PPM1E: variants seen among roughly 807,000 people sequenced by gnomAD.
PPM1E encodes protein phosphatase 1E.
Under a neutral mutation model 65.9 loss-of-function variants are expected in PPM1E, and 20 were observed. The ratio of observed to expected loss-of-function variants is 0.30; its 90% CI spans 0.21 to 0.44. PPM1E has a LOEUF of 0.44. PPM1E is among the 20% of genes least tolerant of loss of function. The probability of loss-of-function intolerance (pLI) is 1.00; values close to 1 mark genes in which losing one functional copy is unlikely to be tolerated. For synonymous variants in PPM1E, 352 were observed against 374.9 expected (o/e 0.94, Z 0.70); for missense variants, 713 against 953.1 (o/e 0.75, Z 3.32).
chr17:58,804,506 T>C (rs1385910275), intron 1 of PPM1E, among the ~76,000 whole-genome samples: 1 of 152,098 alleles, frequency 6.6e-6, no homozygotes, highest in Non-Finnish European at 1.5e-5. Flanking sequence ...TTGGAAGACA[T>C]GGAGATAGGG....
chr17:58,892,264 T>G lies in PPM1E; in HGVS notation c.465-63385T>G, dbSNP rs184013428. Among the ~76,000 whole-genome samples the G allele has an allele frequency of 2.4e-3, 362 of 152,280 alleles. 3 individuals carry two copies. The highest frequency in any genetic ancestry group is 4.0e-3 in the Non-Finnish European group (272 of 68,026). ...AGGTAAAAATTAGGATACATGCTTGTGTTACATTTTAATTTTGAAATATTT... is the reference window on the plus strand; with the variant it reads ...AGGTAAAAATTAGGATACATGCTTGGGTTACATTTTAATTTTGAAATATTT... On this transcript the variant is annotated intron_variant, in intron 1 of 6. Coordinates refer to ENST00000308249, the MANE Select transcript of PPM1E (RefSeq NM_014906.5).
Position 58,928,854 on chromosome 17 carries a change from C to G in PPM1E, c.465-26795C>G, listed in dbSNP as rs562052821. Reference sequence around the variant, plus strand: ...AGTAGCTGGGATTAAAGGCGCCCACCACCACGCCCGGCTAATATTTTGTAT... The same window carrying G: ...AGTAGCTGGGATTAAAGGCGCCCACGACCACGCCCGGCTAATATTTTGTAT... On this transcript the variant is annotated intron_variant, in intron 1 of 6. Coordinates refer to ENST00000308249, the MANE Select transcript of PPM1E (RefSeq NM_014906.5). 9.2e-5 allele frequency among the ~76,000 whole-genome samples: 14 copies of G among 152,058 alleles called. No individual in the cohort carries two copies. The East Asian group carries it at 1.9e-3, about 21-fold the overall frequency.
chr17:58,861,358 T>G (rs933569661), intron 1 of PPM1E, among the ~76,000 whole-genome samples: 12 of 152,200 alleles, frequency 7.9e-5, no homozygotes, highest in Non-Finnish European at 1.6e-4. Context: ...TCTATTATAA[T>G]TATTAATATT....
chr17:58,809,157 A>T (rs919910213), intron 1 of PPM1E, among the ~76,000 whole-genome samples: 1 of 152,100 alleles, frequency 6.6e-6, no homozygotes, highest in Non-Finnish European at 1.5e-5. Context: ...CAGTGGTGAG[A>T]TCATAGCTTA....
At chr17:58,908,120 C>T (rs1177454273) in intron 1 of PPM1E, among the ~76,000 whole-genome samples, 1 of 151,320 alleles carries the variant, frequency 6.6e-6, no homozygotes, top group East Asian at 1.9e-4. Flanking sequence ...CTCACTCTGT[C>T]ATCCAGGCTG....
chr17:58,824,417 A>T (rs1469155465), intron 1 of PPM1E, among the ~76,000 whole-genome samples: 3 of 152,124 alleles, frequency 2.0e-5, no homozygotes, highest in Non-Finnish European at 4.4e-5. Flanking sequence ...AATTTTGTGT[A>T]CTCAAAAGCT....
At chr17:58,966,579 T>C (rs2030269660) in intron 3 of PPM1E, 1 of 172,924 alleles carries the variant, frequency 5.8e-6, no homozygotes, top group South Asian at 1.3e-4. Context: ...AAAATCTTGG[T>C]CTCTGAGATA....
At chr17:58,793,045 G>A (rs2050171759) in intron 1 of PPM1E, among the ~76,000 whole-genome samples, 1 of 151,970 alleles carries the variant, frequency 6.6e-6, no homozygotes, top group Non-Finnish European at 1.5e-5. Flanking sequence ...ATTACGCCCA[G>A]CCGAATTTTA....
intron 1 of PPM1E, among the ~76,000 whole-genome samples, chr17:58,884,582 C>T (rs2051244103): frequency 6.6e-6 from 1 of 152,038 alleles, no homozygotes; most frequent in Non-Finnish European, 1.5e-5. Context: ...TAGATCTGCC[C>T]TCTTATCCTG....
chr17:58,965,774 C>T lies in PPM1E; in HGVS notation c.664C>T (p.Leu222Phe), dbSNP rs756118167. ...CTGCAGCTGGGTGAAAGACTTCCCCCTCCGCAGGAGACCCCAGCTTTATTA... is the reference window on the plus strand; with the variant it reads ...CTGCAGCTGGGTGAAAGACTTCCCCTTCCGCAGGAGACCCCAGCTTTATTA... ...ICCSWVKDFPLRRRPQLYYET... is the reference protein window; with the variant it reads ...ICCSWVKDFPFRRRPQLYYET... The change falls in exon 3 of 7, where the codon CTC becomes TTC. Residue 222 changes from leucine to phenylalanine, a missense_variant. By Grantham distance (22) the Leu-to-Phe change is conservative. Transcript: ENST00000308249. The T allele has an allele frequency of 2.5e-6, 4 of 1,614,138 alleles. No individual in the cohort carries two copies. In the East Asian group the frequency reaches 8.9e-5, roughly 36 times the overall value.
chr17:58,758,343 C>A (rs2049789343), intron 1 of PPM1E, among the ~76,000 whole-genome samples: 1 of 151,934 alleles, frequency 6.6e-6, no homozygotes, highest in Non-Finnish European at 1.5e-5. Flanking sequence ...GCCTGACCAA[C>A]GTGGTGAAAC....
At chr17:58,914,457 G>A (rs1011355317) in intron 1 of PPM1E, among the ~76,000 whole-genome samples, 2 of 152,142 alleles carry the variant, frequency 1.3e-5, no homozygotes, top group Non-Finnish European at 2.9e-5. Flanking sequence ...CCAACTGGAT[G>A]CTTTATAGGA....
At chr17:58,875,786 C>T (rs9911578) in intron 1 of PPM1E, among the ~76,000 whole-genome samples, 96,808 of 151,890 alleles carry the variant, frequency 0.64, 31,220 homozygotes, top group African/African-American at 0.71. Context: ...TTACTAACAC[C>T]GTGGATAATG....
intron 1 of PPM1E, among the ~76,000 whole-genome samples, chr17:58,758,185 G>GT (rs896804074): frequency 0.011 from 1,660 of 145,052 alleles, 14 homozygotes; most frequent in East Asian, 0.019. Flanking sequence ...ATGTAAGAAG[G>GT]TTTTTTTTTT....
intron 1 of PPM1E, among the ~76,000 whole-genome samples, chr17:58,794,647 A>T (rs1488085612): frequency 6.6e-6 from 1 of 152,026 alleles, no homozygotes; most frequent in Non-Finnish European, 1.5e-5. Context: ...CCCACTTATA[A>T]GTGAGAACAT....
At chr17:58,928,769 C>G (rs1045328896) in intron 1 of PPM1E, among the ~76,000 whole-genome samples, 4 of 150,070 alleles carry the variant, frequency 2.7e-5, no homozygotes, top group Non-Finnish European at 5.9e-5. Flanking sequence ...GTGACGCGAT[C>G]TCAGCTCACT....
rs1197099429 is a variant in PPM1E at position 58,756,332 on chromosome 17, C to G, written c.335C>G (p.Ser112Trp). The G allele has an allele frequency of 9.3e-6, 13 of 1,396,902 alleles. No individual in the cohort carries two copies. The highest frequency in any genetic ancestry group is 1.2e-5 in the Non-Finnish European group (13 of 1,080,064). 86.5% of individuals were successfully genotyped at this position (1,396,902 alleles called of 1,614,324 possible). A position where few individuals can be genotyped will look rare whatever the true frequency, so the allele number is the denominator to read the frequency against. The stretch of plus-strand genomic sequence containing the variant: ...ACGGCGGCGGCAGCCCCGGGGCACT[C>G]GGCCGTGCCGCCGCCGCCGCCCCAG... ...AATAAAAPGH[S>W]AVPPPPPQLP... is the part of the protein sequence containing the mutation. The change falls in exon 1 of 7, where the codon TCG (serine) becomes TGG (tryptophan). Residue 112 changes from serine to tryptophan, a missense_variant. Coordinates refer to ENST00000308249, the MANE Select transcript of PPM1E (RefSeq NM_014906.5).
At chr17:58,894,078 A>G (rs1420210989) in intron 1 of PPM1E, among the ~76,000 whole-genome samples, 3 of 152,066 alleles carry the variant, frequency 2.0e-5, no homozygotes, top group Admixed American at 6.6e-5. Context: ...GTCTCAAAAA[A>G]AACAAACCAG....
At chr17:58,828,080 G>A (rs547356983) in intron 1 of PPM1E, among the ~76,000 whole-genome samples, 1 of 151,652 alleles carries the variant, frequency 6.6e-6, no homozygotes, top group African/African-American at 2.4e-5. Flanking sequence ...TTAGCCAGGC[G>A]TGATGGCAGG....
Sources: allele counts gnomAD v4.1 joint callset (sites outside exome capture counted in the v4.1 genomes callset), GRCh38; gene constraint gnomAD v4.1.1; transcripts MANE v1.5; gene names NCBI Gene and HGNC (gene_info 2026-07-23, HGNC 2026-07-21).